Variants in GALNTL6 observed in about 807,000 individuals in gnomAD.
GALNTL6 encodes polypeptide N-acetylgalactosaminyltransferase like 6.
In GALNTL6, 46 loss-of-function variants were observed where a neutral mutation model predicts 73.7. That is an observed-to-expected ratio of 0.62 (90% CI 0.49 to 0.80). GALNTL6 has a LOEUF of 0.80. Among genes scored for constraint, GALNTL6 ranks in the 30% least tolerant of loss-of-function variants. The pLI is 0.00. For synonymous variants in GALNTL6, 259 were observed against 263.7 expected, an observed-to-expected ratio of 0.98 and a Z score of 0.17; for missense variants, 604 against 755.0, an observed-to-expected ratio of 0.80 and a Z score of 2.34.
chr4:171,981,832 A>G (rs906493283), intron 2 of GALNTL6, among the ~76,000 whole-genome samples: 3 of 151,990 alleles, frequency 2.0e-5, no homozygotes, highest in Non-Finnish European at 4.4e-5. Context: ...ATTATTCTCA[A>G]TGATTAAGAT....
rs190908938 is a variant in GALNTL6 at position 172,690,066 on chromosome 4, A to G, written c.554-119295A>G. ...GTAATGTGACAAAATATAGAAATTA[A>G]AATAACAGTGATTTTCTTGTCATGA... On this transcript the variant is annotated intron_variant, in intron 5 of 12. Coordinates refer to ENST00000506823, the MANE Select transcript of GALNTL6 (RefSeq NM_001034845.3). Among the ~76,000 whole-genome samples, 263 of 152,296 alleles carry G rather than the reference A, an allele frequency of 1.7e-3. 1 individual carries two copies. The highest frequency in any genetic ancestry group is 6.2e-3 in the African/African-American group (256 of 41,570).
chr4:172,142,752 A>G (rs540751157), intron 2 of GALNTL6, among the ~76,000 whole-genome samples: 57 of 151,974 alleles, frequency 3.8e-4, no homozygotes, highest in Admixed American at 1.2e-3. Context: ...GCATTAGAGA[A>G]CAAAATAAAG....
chr4:172,888,522 C>T (rs1167715494), intron 8 of GALNTL6, among the ~76,000 whole-genome samples: 1 of 152,156 alleles, frequency 6.6e-6, no homozygotes, highest in Non-Finnish European at 1.5e-5. Flanking sequence ...GAGTTCTCTT[C>T]TCATTGCTTA....
intron 7 of GALNTL6, among the ~76,000 whole-genome samples, chr4:172,861,637 C>T (rs1039136724): frequency 6.6e-6 from 1 of 152,166 alleles, no homozygotes; most frequent in African/African-American, 2.4e-5. Flanking sequence ...TTACAGCACC[C>T]ATAATTCCCA....
At chr4:172,904,337 G>A (rs1490091795) in intron 8 of GALNTL6, among the ~76,000 whole-genome samples, 1 of 152,220 alleles carries the variant, frequency 6.6e-6, no homozygotes, top group African/African-American at 2.4e-5. Flanking sequence ...GTTAAACAGA[G>A]CTTCAGTCCT....
intron 11 of GALNTL6, among the ~76,000 whole-genome samples, chr4:173,013,892 C>T (rs6833557): frequency 0.38 from 58,104 of 151,924 alleles, 11,510 homozygotes; most frequent in African/African-American, 0.46. Context: ...CAGTGACTTA[C>T]AAGAATTAGG....
chr4:172,725,566 G>T (rs550540872), intron 5 of GALNTL6, among the ~76,000 whole-genome samples: 1 of 152,142 alleles, frequency 6.6e-6, no homozygotes, highest in African/African-American at 2.4e-5. Context: ...AGGCCAAAAC[G>T]TTGAGAGACT....
At chr4:172,847,357 A>G (rs1260914232) in intron 7 of GALNTL6, among the ~76,000 whole-genome samples, 1 of 152,126 alleles carries the variant, frequency 6.6e-6, no homozygotes, top group Non-Finnish European at 1.5e-5. Context: ...CCCTCTTTTT[A>G]AAATTCATAT....
intron 8 of GALNTL6, among the ~76,000 whole-genome samples, chr4:172,908,744 A>G (rs1579639638): frequency 6.6e-6 from 1 of 151,820 alleles, no homozygotes. Context: ...AAAACTAGGA[A>G]TAAATTTAAG....
At chr4:172,553,825 G>A (rs1736047791) in intron 5 of GALNTL6, among the ~76,000 whole-genome samples, 1 of 152,176 alleles carries the variant, frequency 6.6e-6, no homozygotes, top group Admixed American at 6.6e-5. Flanking sequence ...GGGAGGCAAG[G>A]GTGGAAGGAT....
intron 5 of GALNTL6, among the ~76,000 whole-genome samples, chr4:172,777,576 A>C (rs1408060345): frequency 6.6e-6 from 1 of 152,202 alleles, no homozygotes; most frequent in Non-Finnish European, 1.5e-5. Context: ...CATACTTTGC[A>C]TTGTATCTGA....
chr4:172,593,884 C>G (rs1207251716), intron 5 of GALNTL6, among the ~76,000 whole-genome samples: 1 of 152,070 alleles, frequency 6.6e-6, no homozygotes, highest in African/African-American at 2.4e-5. Context: ...CATGTGCCAC[C>G]ACACCCAGCT....
chr4:172,485,181 T>C (rs2111490522), intron 5 of GALNTL6, among the ~76,000 whole-genome samples: 1 of 152,268 alleles, frequency 6.6e-6, no homozygotes, highest in East Asian at 1.9e-4. Flanking sequence ...GATTACCGTA[T>C]TGTCTCTAGT....
chr4:173,013,868 T>G (rs1356595130), intron 11 of GALNTL6, among the ~76,000 whole-genome samples: 1 of 152,194 alleles, frequency 6.6e-6, no homozygotes, highest in Non-Finnish European at 1.5e-5. Flanking sequence ...GTAAGCTTTA[T>G]TCAATATATC....
intron 5 of GALNTL6, among the ~76,000 whole-genome samples, chr4:172,791,127 C>A (rs183410512): frequency 1.8e-3 from 273 of 152,058 alleles, no homozygotes; most frequent in African/African-American, 6.5e-3. Flanking sequence ...GTAATGACAG[C>A]AAAAGGTAAA....
intron 5 of GALNTL6, among the ~76,000 whole-genome samples, chr4:172,489,264 G>A (rs952078486): frequency 2.6e-5 from 4 of 151,974 alleles, no homozygotes; most frequent in Admixed American, 6.6e-5. Flanking sequence ...ATACACATGC[G>A]CACGCACGCA....
At chr4:172,168,671 G>A (rs1033911159) in intron 2 of GALNTL6, among the ~76,000 whole-genome samples, 6 of 151,866 alleles carry the variant, frequency 4.0e-5, no homozygotes, top group African/African-American at 1.5e-4. Context: ...GATGGTAATG[G>A]TGATGGTGAC....
At chr4:172,250,133 G>T (rs992769392) in intron 3 of GALNTL6, among the ~76,000 whole-genome samples, 4 of 152,118 alleles carry the variant, frequency 2.6e-5, no homozygotes, top group African/African-American at 4.8e-5. Flanking sequence ...TGTGGGAGCT[G>T]CTAAAGGCTG....
intron 5 of GALNTL6, among the ~76,000 whole-genome samples, chr4:172,561,340 C>T (rs1220068823): frequency 6.6e-6 from 1 of 151,266 alleles, no homozygotes; most frequent in Non-Finnish European, 1.5e-5. Context: ...TGAACCTCGG[C>T]AACCTGCTTC....
Sources: allele counts gnomAD v4.1 joint callset (sites outside exome capture counted in the v4.1 genomes callset), GRCh38; gene constraint gnomAD v4.1.1; transcripts MANE v1.5; gene names NCBI Gene and HGNC (gene_info 2026-07-23, HGNC 2026-07-21).